Variants in GPHN observed in about 807,000 individuals in gnomAD.
GPHN encodes gephyrin.
A neutral mutation model predicts 95.5 loss-of-function variants in GPHN; 17 were observed. The ratio of observed to expected loss-of-function variants is 0.18; its 90% confidence interval spans 0.12 to 0.27. The LOEUF is 0.27. GPHN is among the 10% of genes least tolerant of loss of function. The pLI is 1.00. For synonymous variants in GPHN, 320 were observed against 322.5 expected (o/e 0.99, Z 0.08); for missense variants, 660 against 978.1 (o/e 0.67, Z 4.34).
chr14:67,298,361 A>G, the GPHN span, among the ~76,000 whole-genome samples: 34 of 152,178 alleles, frequency 2.2e-4, no homozygotes, highest in Non-Finnish European at 4.6e-4. Context: ...TAAAAATAAA[A>G]AAAACTAGTT....
intron 11 of GPHN, among the ~76,000 whole-genome samples, chr14:67,074,524 A>G (rs1214125371): frequency 6.6e-6 from 1 of 152,130 alleles, no homozygotes; most frequent in Non-Finnish European, 1.5e-5. Context: ...AGACACAGCA[A>G]GATTGAAAGT....
At chr14:67,452,237 C>A in the GPHN span, among the ~76,000 whole-genome samples, 4 of 150,678 alleles carry the variant, frequency 2.7e-5, no homozygotes, top group Admixed American at 2.7e-4. Context: ...GCAAGAGAAT[C>A]ATTTGAACCC....
intron 1 of GPHN, among the ~76,000 whole-genome samples, chr14:66,579,696 A>C (rs1210804545): frequency 6.6e-6 from 1 of 151,870 alleles, no homozygotes; most frequent in African/African-American, 2.4e-5. Flanking sequence ...GAACACCTAA[A>C]TACATAAAGC....
rs921294950 is a variant in GPHN, at chr14:66,744,865, T to A, written c.144-31599T>A. On this transcript the variant is annotated intron_variant, in intron 2 of 22. Transcript: ENST00000478722. Reference sequence around the variant, plus strand: ...TCAATATAGCAATGCAATTTTTTTTTATTTACTTATAAGGATTTATGATAC... The same window carrying A: ...TCAATATAGCAATGCAATTTTTTTTAATTTACTTATAAGGATTTATGATAC... Among the ~76,000 whole-genome samples the A allele has an allele frequency of 2.6e-5, 4 of 150,966 alleles. No homozygotes were observed. The East Asian group carries it at 5.9e-4, about 22-fold the overall frequency.
the GPHN span, chr14:67,203,422 A>G: frequency 1.4e-6 from 1 of 714,758 alleles, no homozygotes; most frequent in South Asian, 2.5e-5. Context: ...GCTGCAAATG[A>G]CAAAGAGGAG....
chr14:66,549,094 A>T (rs2059717990), intron 1 of GPHN, among the ~76,000 whole-genome samples: 1 of 152,162 alleles, frequency 6.6e-6, no homozygotes, highest in Non-Finnish European at 1.5e-5. Context: ...ATATAAATAA[A>T]AGTTATCATA....
At chr14:66,982,911 T>C (rs1220740385) in intron 9 of GPHN, among the ~76,000 whole-genome samples, 4 of 152,202 alleles carry the variant, frequency 2.6e-5, no homozygotes, top group Non-Finnish European at 5.9e-5. Flanking sequence ...CTTATCTGAA[T>C]GCTAATCTTT....
chr14:66,721,416 T>C (rs1363286527), intron 2 of GPHN, among the ~76,000 whole-genome samples: 1 of 152,186 alleles, frequency 6.6e-6, no homozygotes, highest in Admixed American at 6.6e-5. Context: ...TATTGACAAA[T>C]TTCTATCAAC....
chr14:67,080,556 T>G (rs1334360393), intron 11 of GPHN, among the ~76,000 whole-genome samples: 1 of 152,160 alleles, frequency 6.6e-6, no homozygotes, highest in Admixed American at 6.5e-5. Flanking sequence ...ATTTAGGTCT[T>G]TAATGCAGGT....
chr14:66,796,046 G>A (rs1430526949), intron 3 of GPHN, among the ~76,000 whole-genome samples: 2 of 151,874 alleles, frequency 1.3e-5, no homozygotes, highest in South Asian at 2.1e-4. Flanking sequence ...GGGTTCAATC[G>A]TTTTAATTTT....
chr14:67,400,323 T>C, the GPHN span, among the ~76,000 whole-genome samples: 1 of 152,230 alleles, frequency 6.6e-6, no homozygotes, highest in Non-Finnish European at 1.5e-5. Context: ...TCCAGTGGAA[T>C]TGCACATTTT....
At chr14:66,573,833 T>C (rs1424554971) in intron 1 of GPHN, among the ~76,000 whole-genome samples, 1 of 152,230 alleles carries the variant, frequency 6.6e-6, no homozygotes, top group African/African-American at 2.4e-5. Flanking sequence ...TGCCCTCTTT[T>C]GGTTTCCATT....
At chr14:67,110,733 G>A (rs550819430) in intron 14 of GPHN, among the ~76,000 whole-genome samples, 48 of 152,318 alleles carry the variant, frequency 3.2e-4, no homozygotes, top group Middle Eastern at 3.4e-3. Flanking sequence ...ACTTGGGCAA[G>A]TTCTTGAATA....
chr14:66,509,328 G>A, intron 1 of GPHN: 1 of 152,520 alleles, frequency 6.6e-6, no homozygotes, highest in Non-Finnish European at 1.5e-5. Flanking sequence ...ACTTGAGAGG[G>A]CAGGATTCCC....
At chr14:66,968,545 A>G (rs1461629189) in intron 9 of GPHN, among the ~76,000 whole-genome samples, 1 of 152,164 alleles carries the variant, frequency 6.6e-6, no homozygotes, top group Non-Finnish European at 1.5e-5. Flanking sequence ...TTTTGTCTAC[A>G]TCAGAAATAC....
chr14:67,409,494 A>T, the GPHN span, among the ~76,000 whole-genome samples: 2 of 152,244 alleles, frequency 1.3e-5, no homozygotes, highest in South Asian at 4.1e-4. Flanking sequence ...TTCACATTGC[A>T]ATGTTATTCA....
rs148751445 is a variant in GPHN, at chr14:66,547,558, T to C, written c.64+38967T>C. Among the ~76,000 whole-genome samples the C allele has an allele frequency of 5.2e-3, 788 of 152,362 alleles. 8 individuals carry two copies. The highest frequency in any genetic ancestry group is 0.018 in the African/African-American group (747 of 41,584). ...TGAAAAAGTATAGCCCTTTAGGTTTTATAAAGCTTTTTCTGTTGTTGTTTT... is the reference window on the plus strand; with the variant it reads ...TGAAAAAGTATAGCCCTTTAGGTTTCATAAAGCTTTTTCTGTTGTTGTTTT... On this transcript the variant is annotated intron_variant, in intron 1 of 22. Coordinates refer to ENST00000478722, the MANE Select transcript of GPHN (RefSeq NM_020806.5).
At chr14:67,316,398 TTGGAATTGAATA>T in the GPHN span, among the ~76,000 whole-genome samples, 664 of 152,304 alleles carry the variant, frequency 4.4e-3, 16 homozygotes, top group East Asian at 0.059. Context: ...GAATGGTTTC[TTGGAATTGAATA>T]TGGAATTGAA....
chr14:66,632,440 T>G (rs2063858241), intron 1 of GPHN, among the ~76,000 whole-genome samples: 1 of 152,084 alleles, frequency 6.6e-6, no homozygotes, highest in Non-Finnish European at 1.5e-5. Context: ...ATGTAAAGGT[T>G]GACTTCCTTA....
Sources: gnomAD v4.1 joint callset for allele counts (sites outside exome capture counted in the v4.1 genomes callset) on GRCh38, gnomAD v4.1.1 for gene constraint, MANE v1.5 for transcripts, NCBI Gene and HGNC (gene_info 2026-07-23, HGNC 2026-07-21) for gene names.